Variants in ESRRG observed in about 807,000 individuals in gnomAD.
ESRRG encodes the protein estrogen related receptor gamma.
A neutral mutation model predicts 44.0 loss-of-function variants in ESRRG; 13 were observed. The ratio of observed to expected loss-of-function variants is 0.30; its 90% confidence interval spans 0.19 to 0.47. ESRRG has a LOEUF of 0.47. Among genes scored for constraint, ESRRG ranks in the 20% least tolerant of loss-of-function variants. ESRRG has a pLI of 1.00. For synonymous variants in ESRRG, 215 were observed against 214.6 expected, an observed-to-expected ratio of 1.00 and a Z score of -0.02; for missense variants, 395 against 580.6, an observed-to-expected ratio of 0.68 and a Z score of 3.29.
At chr1:216,516,799 A>G (rs2044472400) in intron 6 of ESRRG, among the ~76,000 whole-genome samples, 1 of 152,130 alleles carries the variant, frequency 6.6e-6, no homozygotes, top group Non-Finnish European at 1.5e-5. Flanking sequence ...GTTTGAGTCT[A>G]CATTCAATCT....
upstream of ESRRG, among the ~76,000 whole-genome samples, chr1:217,091,972 G>C (rs759087319): frequency 6.6e-6 from 1 of 152,126 alleles, no homozygotes; most frequent in Admixed American, 6.5e-5. Flanking sequence ...ATTTTGTTTT[G>C]TTCTTTTCAG....
At chr1:216,619,516 G>GA (rs1371512707) in intron 3 of ESRRG, among the ~76,000 whole-genome samples, 2 of 152,100 alleles carry the variant, frequency 1.3e-5, no homozygotes, top group Non-Finnish European at 2.9e-5. Flanking sequence ...AATTCATATG[G>GA]CAGCCGTAAG....
At chr1:216,975,472 T>C (rs576564518) in intron 1 of ESRRG, among the ~76,000 whole-genome samples, 2 of 152,334 alleles carry the variant, frequency 1.3e-5, no homozygotes, top group African/African-American at 4.8e-5. Context: ...TAAATTCTTC[T>C]ATCATGATGC....
Position 216,781,764 on chromosome 1 carries a change from A to T in ESRRG, c.-13-104273T>A, listed in dbSNP as rs906120362. On this transcript the variant is annotated intron_variant, in intron 2 of 7. Transcript: ENST00000359162. Reference sequence around the variant, plus strand: ...TCAGGTAAGACAAAAACCATAGGGGAGTGGCAAGCCTTACTGTTTAACTCA... The same window carrying T: ...TCAGGTAAGACAAAAACCATAGGGGTGTGGCAAGCCTTACTGTTTAACTCA... Among the ~76,000 whole-genome samples the T allele has an allele frequency of 7.2e-5, 11 of 152,038 alleles. No individual in the cohort carries two copies. In the East Asian group the frequency reaches 2.1e-3, roughly 29 times the overall value.
At chr1:217,038,935 C>A (rs561555863) in intron 1 of ESRRG, among the ~76,000 whole-genome samples, 8 of 152,198 alleles carry the variant, frequency 5.3e-5, no homozygotes, top group Non-Finnish European at 1.2e-4. Context: ...CTCTTGAATG[C>A]TTTGCTGCTT....
chr1:216,976,832 AAGAG>A (rs2073022833), intron 1 of ESRRG, among the ~76,000 whole-genome samples: 1 of 152,154 alleles, frequency 6.6e-6, no homozygotes, highest in African/African-American at 2.4e-5. Context: ...AGGAAAAACA[AAGAG>A]AGAGAGTTTA....
At chr1:217,039,957 T>C (rs1349275737) in intron 1 of ESRRG, among the ~76,000 whole-genome samples, 1 of 152,004 alleles carries the variant, frequency 6.6e-6, no homozygotes, top group Non-Finnish European at 1.5e-5. Context: ...TTAGGCTCCA[T>C]GGAAACATAT....
intron 1 of ESRRG, among the ~76,000 whole-genome samples, chr1:217,129,156 G>C (rs1467571427): frequency 6.6e-6 from 1 of 152,040 alleles, no homozygotes; most frequent in Non-Finnish European, 1.5e-5. Flanking sequence ...AGAGACAAAA[G>C]TCCCAATTTA....
chr1:216,917,133 C>T (rs370291449), intron 2 of ESRRG, among the ~76,000 whole-genome samples: 1 of 150,276 alleles, frequency 6.7e-6, no homozygotes, highest in African/African-American at 2.4e-5. Flanking sequence ...AGCATACAGT[C>T]TCTCCAGCAG....
At chr1:217,058,656 A>G (rs2087677244) in intron 1 of ESRRG, among the ~76,000 whole-genome samples, 1 of 152,082 alleles carries the variant, frequency 6.6e-6, no homozygotes, top group Non-Finnish European at 1.5e-5. Context: ...TAGTACTAGT[A>G]TTAGTATTGT....
In ESRRG at chr1:216,506,778, G is replaced by T; in HGVS notation, c.*161C>A. ...AGAAAGAAACTCATCAGGAACCTAT[G>T]GAGGAATCTGAAAGCTGCTTCATAG... On this transcript the variant is annotated 3_prime_UTR_variant, in exon 7 of 7. Transcript: ENST00000408911. 1 of 713,822 alleles carries T rather than the reference G, an allele frequency of 1.4e-6. No individual in the cohort carries two copies. The allele number at this position is 713,822 out of a possible 1,614,324, so 44.2% of individuals were successfully genotyped here.
intron 2 of ESRRG, among the ~76,000 whole-genome samples, chr1:216,895,449 A>G (rs567663668): frequency 6.6e-6 from 1 of 152,328 alleles, no homozygotes; most frequent in Non-Finnish European, 1.5e-5. Flanking sequence ...TCATTTTATC[A>G]GGATGGTGGA....
chr1:216,715,815 ATTTC>A (rs1312519493), intron 1 of ESRRG, among the ~76,000 whole-genome samples: 2 of 152,044 alleles, frequency 1.3e-5, no homozygotes, highest in Non-Finnish European at 2.9e-5. Context: ...AAAAATACAT[ATTTC>A]TTTAATGAAT....
At chr1:216,900,526 T>G (rs1577886599) in intron 2 of ESRRG, among the ~76,000 whole-genome samples, 1 of 150,358 alleles carries the variant, frequency 6.7e-6, no homozygotes, top group Non-Finnish European at 1.5e-5. Context: ...CAAGAGTGTG[T>G]GTATTGTTTG....
At chr1:216,912,160 GAAAAGAAAAGAAAAGAAAAGAAA>G (rs1560081766) in intron 2 of ESRRG, among the ~76,000 whole-genome samples, 13 of 34,728 alleles carry the variant, frequency 3.7e-4, no homozygotes, top group East Asian at 1.3e-3. Flanking sequence ...GAAAAGAAAA[GAAAAGAAAAGAAAAGAAAAGAAA>G]AGGAGAGGAG....
intron 3 of ESRRG, among the ~76,000 whole-genome samples, chr1:216,585,024 T>TG (rs1245142769): frequency 1.3e-5 from 2 of 152,226 alleles, no homozygotes; most frequent in Admixed American, 1.3e-4. Flanking sequence ...TTTTAATTAT[T>TG]GGCTCTAATA....
At chr1:216,672,064 G>A (rs11117652) in intron 2 of ESRRG, among the ~76,000 whole-genome samples, 80,849 of 150,728 alleles carry the variant, frequency 0.54, 24,087 homozygotes, top group Middle Eastern at 0.7. Flanking sequence ...GAAGGAAGGA[G>A]GGAAAGAAGG....
At chr1:216,835,928 T>G (rs1283548780) in intron 2 of ESRRG, among the ~76,000 whole-genome samples, 1 of 152,190 alleles carries the variant, frequency 6.6e-6, no homozygotes, top group African/African-American at 2.4e-5. Context: ...TCCATTGTTC[T>G]GAAATCATGT....
At chr1:216,969,228 C>T (rs2071115788) in intron 1 of ESRRG, among the ~76,000 whole-genome samples, 2 of 152,106 alleles carry the variant, frequency 1.3e-5, no homozygotes, top group South Asian at 4.1e-4. Context: ...TGAAGCTCAC[C>T]TTCCAGTGAG....
Sources: gnomAD v4.1 joint callset for allele counts (sites outside exome capture counted in the v4.1 genomes callset) on GRCh38, gnomAD v4.1.1 for gene constraint, MANE v1.5 for transcripts, NCBI Gene and HGNC (gene_info 2026-07-23, HGNC 2026-07-21) for gene names.